The following KLF12 variants were observed in gnomAD, a reference collection of about 807,000 sequenced individuals.
The protein encoded by KLF12 is KLF transcription factor 12.
A neutral mutation model predicts 37.8 loss-of-function variants in KLF12; 9 were observed. The observed-to-expected ratio is 0.24, with a 90% CI of 0.14 to 0.42. The LOEUF is 0.42. Among genes scored for constraint, KLF12 ranks in the 10% least tolerant of loss-of-function variants. KLF12 has a pLI of 1.00. For synonymous variants in KLF12, 208 were observed against 202.1 expected (o/e 1.03, Z -0.25); for missense variants, 411 against 516.0 (o/e 0.80, Z 1.97).
the KLF12 span, among the ~76,000 whole-genome samples, chr13:74,188,786 A>G: frequency 1.3e-5 from 2 of 152,174 alleles, no homozygotes; most frequent in African/African-American, 4.8e-5. Flanking sequence ...ACTTGAGGCC[A>G]GGAGTTCAAG....
At chr13:73,745,412 G>A (rs1878294605) in intron 6 of KLF12, among the ~76,000 whole-genome samples, 2 of 152,094 alleles carry the variant, frequency 1.3e-5, no homozygotes, top group East Asian at 3.8e-4. Context: ...TGACATTTAG[G>A]TCACCTAGGA....
At chr13:73,749,101 G>C (rs1028821246) in intron 6 of KLF12, among the ~76,000 whole-genome samples, 1 of 151,952 alleles carries the variant, frequency 6.6e-6, no homozygotes, top group Non-Finnish European at 1.5e-5. Context: ...CTAAGACCAC[G>C]GGCCCTCAGC....
At chr13:73,983,724 A>T (rs34207789) in intron 2 of KLF12, among the ~76,000 whole-genome samples, 3,098 of 152,300 alleles carry the variant, frequency 0.02, 41 homozygotes, top group Middle Eastern at 0.051. Context: ...TGAGGCCACA[A>T]AGCCCTGGCC....
chr13:73,916,247 GCACACA>G (rs34551604), intron 3 of KLF12, among the ~76,000 whole-genome samples: 62 of 146,638 alleles, frequency 4.2e-4, no homozygotes, highest in South Asian at 1.3e-3. Flanking sequence ...ACACGCACAC[GCACACA>G]CACACACACA....
chr13:74,256,168 A>G, the KLF12 span, among the ~76,000 whole-genome samples: 1 of 152,024 alleles, frequency 6.6e-6, no homozygotes, highest in Non-Finnish European at 1.5e-5. Context: ...AAAAAAAAAA[A>G]AAGAAGTCAG....
At chr13:74,290,415 G>A in the KLF12 span, among the ~76,000 whole-genome samples, 1 of 152,282 alleles carries the variant, frequency 6.6e-6, no homozygotes, top group South Asian at 2.1e-4. Flanking sequence ...GCAATGCAAA[G>A]CGAATTTGAG....
chr13:74,164,951 T>A, the KLF12 span, among the ~76,000 whole-genome samples: 1 of 152,042 alleles, frequency 6.6e-6, no homozygotes, highest in African/African-American at 2.4e-5. Flanking sequence ...TGTACAGAAA[T>A]ATAGTTAGAT....
the KLF12 span, among the ~76,000 whole-genome samples, chr13:74,233,424 G>T: frequency 6.6e-6 from 1 of 152,104 alleles, no homozygotes; most frequent in Non-Finnish European, 1.5e-5. Context: ...AAAAACACGA[G>T]AGTGCCTCGG....
chr13:74,301,129 C>CTTTTA, the KLF12 span, among the ~76,000 whole-genome samples: 729 of 152,222 alleles, frequency 4.8e-3, 8 homozygotes, highest in African/African-American at 0.017. Context: ...ACTCACCTAC[C>CTTTTA]TTTTATTTTA....
intron 1 of KLF12, among the ~76,000 whole-genome samples, chr13:74,036,868 T>G (rs1893259602): frequency 6.6e-6 from 1 of 152,250 alleles, no homozygotes. Context: ...AAGTGTAAAC[T>G]TGACCATGTT....
chr13:74,080,507 T>C (rs781701573), intron 1 of KLF12, among the ~76,000 whole-genome samples: 5 of 149,114 alleles, frequency 3.4e-5, no homozygotes, highest in Admixed American at 1.3e-4. Flanking sequence ...CGTTTAAAAA[T>C]GGTTAAGATG....
intron 1 of KLF12, among the ~76,000 whole-genome samples, chr13:74,113,203 G>A (rs1877084853): frequency 1.3e-5 from 2 of 152,228 alleles, no homozygotes; most frequent in African/African-American, 4.8e-5. Context: ...GGCAGCAAAT[G>A]CTGATGGGGA....
At chr13:74,199,476 A>G in the KLF12 span, among the ~76,000 whole-genome samples, 2 of 152,186 alleles carry the variant, frequency 1.3e-5, no homozygotes, top group Admixed American at 1.3e-4. Context: ...AGTGGTGACA[A>G]TAAAAACCAT....
chr13:74,023,350 C>G (rs1218757374), intron 1 of KLF12, among the ~76,000 whole-genome samples: 1 of 152,216 alleles, frequency 6.6e-6, no homozygotes, highest in African/African-American at 2.4e-5. Flanking sequence ...GTGTTCTTCT[C>G]TACTTATTGG....
intron 3 of KLF12, among the ~76,000 whole-genome samples, chr13:73,898,356 A>C (rs1887885897): frequency 6.6e-6 from 1 of 152,234 alleles, no homozygotes; most frequent in Non-Finnish European, 1.5e-5. Flanking sequence ...TTCTTAAAGA[A>C]AACCTTATTA....
chr13:73,884,714 T>C (rs982462006), intron 3 of KLF12, among the ~76,000 whole-genome samples: 1 of 152,252 alleles, frequency 6.6e-6, no homozygotes, highest in Non-Finnish European at 1.5e-5. Context: ...CTAATATGAC[T>C]GAAGAGTTTT....
intron 7 of KLF12, among the ~76,000 whole-genome samples, chr13:73,697,088 A>AC (rs1874203185): frequency 6.7e-6 from 1 of 149,550 alleles, no homozygotes; most frequent in South Asian, 2.1e-4. Context: ...ATACAACTGC[A>AC]ACACACACAC....
At chr13:74,230,404 G>A in the KLF12 span, among the ~76,000 whole-genome samples, 2 of 152,092 alleles carry the variant, frequency 1.3e-5, no homozygotes, top group Non-Finnish European at 2.9e-5. Flanking sequence ...ACTAATACAC[G>A]TATCTTTAAG....
At chr13:74,240,393 A>C in the KLF12 span, among the ~76,000 whole-genome samples, 7 of 87,682 alleles carry the variant, frequency 8.0e-5, no homozygotes, top group Admixed American at 1.2e-4. Flanking sequence ...CCTTCATTTC[A>C]ACTTTGGTGA....
Sources: gnomAD v4.1 joint callset for allele counts (sites outside exome capture counted in the v4.1 genomes callset) on GRCh38, gnomAD v4.1.1 for gene constraint, MANE v1.5 for transcripts, NCBI Gene and HGNC (gene_info 2026-07-23, HGNC 2026-07-21) for gene names.